The following LRRC8B variants were observed in gnomAD, a reference collection of about 807,000 sequenced individuals.
LRRC8B encodes volume-regulated anion channel subunit LRRC8B.
A neutral mutation model predicts 58.8 loss-of-function variants in LRRC8B; 23 were observed. The observed-to-expected ratio is 0.39, with a 90% confidence interval of 0.28 to 0.55. LRRC8B has a LOEUF of 0.55. Ranked by LOEUF, LRRC8B falls within the 20% of genes least tolerant of loss-of-function variation. LRRC8B has a pLI of 0.62. For missense variants in LRRC8B, 694 were observed against 936.0 expected (o/e 0.74, Z 3.37); for synonymous variants, 359 against 374.1 (o/e 0.96, Z 0.47).
intron 1 of LRRC8B, among the ~76,000 whole-genome samples, chr1:89,545,584 G>T (rs113212072): frequency 2.0e-5 from 3 of 152,154 alleles, no homozygotes; most frequent in African/African-American, 2.4e-5. Context: ...TAAAATTGTT[G>T]TGTCAAATTT....
At chr1:89,526,182 C>G (rs1366837517) in intron 1 of LRRC8B, among the ~76,000 whole-genome samples, 2 of 152,174 alleles carry the variant, frequency 1.3e-5, no homozygotes, top group Non-Finnish European at 1.5e-5. Context: ...GTACAGGCTA[C>G]ACCTCCTGAG....
At chr1:89,587,070 C>T (rs1457780888) in intron 5 of LRRC8B, among the ~76,000 whole-genome samples, 8 of 152,134 alleles carry the variant, frequency 5.3e-5, no homozygotes, top group Non-Finnish European at 1.0e-4. Flanking sequence ...GCGGAGAAAA[C>T]TAGGACCATC....
At chr1:89,577,700 A>G (rs1394202388) in intron 3 of LRRC8B, among the ~76,000 whole-genome samples, 2 of 152,198 alleles carry the variant, frequency 1.3e-5, no homozygotes, top group Non-Finnish European at 2.9e-5. Flanking sequence ...CAGATGCTAT[A>G]TATTTAAATA....
chr1:89,568,550 G>A (rs976360996), intron 3 of LRRC8B, 57 bp downstream of exon 3: 4 of 152,112 alleles, frequency 2.6e-5, no homozygotes, highest in Non-Finnish European at 5.9e-5. Flanking sequence ...AATTAAGTTG[G>A]TAGCTTGGGG....
chr1:89,546,504 C>G (rs546222718), intron 1 of LRRC8B, among the ~76,000 whole-genome samples: 1 of 152,312 alleles, frequency 6.6e-6, no homozygotes, highest in African/African-American at 2.4e-5. Context: ...TTCTTTCTGT[C>G]AGAACACTCC....
intron 1 of LRRC8B, among the ~76,000 whole-genome samples, chr1:89,545,852 G>C (rs1224124703): frequency 2.6e-5 from 4 of 152,164 alleles, no homozygotes; most frequent in African/African-American, 9.7e-5. Flanking sequence ...TGAAGAAGGG[G>C]GTGGACGGGA....
Position 89,593,844 on chromosome 1 carries a change from G to A in LRRC8B, c.*801G>A, listed in dbSNP as rs1330476410. 1 of 152,178 alleles carries A rather than the reference G, an allele frequency of 6.6e-6. No homozygotes were observed. The highest frequency in any genetic ancestry group is 6.5e-5 in the Admixed American group (1 of 15,282). 9.4% of individuals were successfully genotyped at this position (152,178 alleles called of 1,614,324 possible). A position where few individuals can be genotyped will look rare whatever the true frequency, so the allele number is the denominator to read the frequency against. On this transcript the variant is annotated 3_prime_UTR_variant, in exon 6 of 6. Coordinates refer to ENST00000330947, the MANE Select transcript of LRRC8B (RefSeq NM_001369817.2). The stretch of plus-strand genomic sequence containing the variant: ...TCCTAAATTTTTTTAGATAGGGTAT[G>A]TTGTGCTTGGCAGAATTCTTTTTTG...
intron 1 of LRRC8B, among the ~76,000 whole-genome samples, chr1:89,533,859 A>G (rs1422484468): frequency 1.3e-5 from 2 of 152,236 alleles, no homozygotes; most frequent in Non-Finnish European, 2.9e-5. Context: ...GTATTTGCAT[A>G]AAATTTTAAA....
Position 89,592,835 on chromosome 1 carries a change from A to G in LRRC8B, c.2204A>G (p.Asn735Ser). 5.0e-6 allele frequency: 8 copies of G among 1,614,090 alleles called. No individual in the cohort carries two copies. Among genetic ancestry groups the G allele is most frequent in the South Asian group, 1.1e-5 (1 of 91,074 alleles). ...CTGCAGTGTTTACTTTTGGGGAAAA[A>G]TAGCTTGATGAATTTGTCCCCTCAT... is the stretch of plus-strand genomic sequence containing the variant. ...KKLQCLLLGK[N>S]SLMNLSPHVG... The change falls in exon 6 of 6, where the codon AAT (asparagine) becomes AGT (serine). Residue 735 changes from asparagine (N) to serine (S), a missense_variant. Asn to Ser is a conservative substitution (Grantham distance 46). Transcript: ENST00000330947.
In LRRC8B at chr1:89,582,690, C is replaced by T; in HGVS notation, c.40C>T (p.Gln14Ter). The T allele has an allele frequency of 6.2e-7, 1 of 1,613,842 alleles. No individual in the cohort carries two copies. Among genetic ancestry groups the T allele is most frequent in the Non-Finnish European group, 8.5e-7 (1 of 1,179,760 alleles). The change falls in exon 5 of 6, where the codon CAG (glutamine) becomes TAG (stop). Residue 14 changes from glutamine to a stop codon, truncating the protein, a stop_gained. Coordinates refer to ENST00000330947, the MANE Select transcript of LRRC8B (RefSeq NM_001369817.2). LOFTEE classifies it high-confidence loss of function. ...TGAGCTAAAATGCTTAGCAGATGCC[C>T]AGTCATCTTATCACATCTTAAAACC... The part of the protein sequence containing the change: ...LTELKCLADA[Q>*]SSYHILKPWW...
chr1:89,565,898 G>A lies in LRRC8B; in HGVS notation c.-240-2349G>A, dbSNP rs991133069. Among the ~76,000 whole-genome samples the A allele has an allele frequency of 6.6e-5, 10 of 152,158 alleles. No homozygotes were observed. The East Asian group carries it at 9.6e-4, about 15-fold the overall frequency. ...AGTAGTGAAGCACTGTATCGAAAAA[G>A]AGTAGCAAAAGAGCCCTCTGGGTCC... On this transcript the variant is annotated intron_variant, in intron 1 of 5. Coordinates refer to ENST00000330947, the MANE Select transcript of LRRC8B (RefSeq NM_001369817.2).
At chr1:89,592,745 C>T (rs745853108) in intron 5 of LRRC8B, 26 bp from the exon 6 acceptor site, 2 of 1,602,820 alleles carry the variant, frequency 1.2e-6, no homozygotes, top group South Asian at 2.2e-5. Context: ...CCTATTTTAC[C>T]AGCTTCTTTT....
Position 89,595,605 on chromosome 1 carries a change from GTATAAT to G in LRRC8B, c.*2566_*2571del, listed in dbSNP as rs1443042565. 2.0e-5 allele frequency: 3 copies of G among 152,050 alleles called. No homozygotes were observed. The highest frequency in any genetic ancestry group is 2.9e-5 in the Non-Finnish European group (2 of 67,952). The allele number at this position is 152,050 out of a possible 1,614,324, so 9.4% of individuals were successfully genotyped here. A position where few individuals can be genotyped will look rare whatever the true frequency, so the allele number is the denominator to read the frequency against. ...TATAAACTGCTTTCCACACACTAGG[GTATAAT>G]TATTGGTGCAATCTATGTTGTTCTT... On this transcript the variant is annotated 3_prime_UTR_variant, in exon 6 of 6. Transcript: ENST00000330947.
chr1:89,551,548 G>A (rs1651816476), intron 1 of LRRC8B, among the ~76,000 whole-genome samples: 1 of 152,074 alleles, frequency 6.6e-6, no homozygotes, highest in Non-Finnish European at 1.5e-5. Flanking sequence ...AGGATAGATA[G>A]AAAATGAAAT....
chr1:89,597,846 AC>A lies in LRRC8B; in HGVS notation c.*4804del, dbSNP rs1292857208. ...TTTTTATAACAAATGGCAAATAAAA[AC>A]AGTAAATGCTGGAAGAAGTTGACTG... On this transcript the variant is annotated 3_prime_UTR_variant, in exon 6 of 6. Coordinates refer to ENST00000330947, the MANE Select transcript of LRRC8B (RefSeq NM_001369817.2). 1 of 152,208 alleles carries A rather than the reference AC, an allele frequency of 6.6e-6. No homozygotes were observed. The highest frequency in any genetic ancestry group is 1.5e-5 in the Non-Finnish European group (1 of 68,030). 9.4% of individuals were successfully genotyped at this position (152,208 alleles called of 1,614,324 possible). A position where few individuals can be genotyped will look rare whatever the true frequency, so the allele number is the denominator to read the frequency against.
chr1:89,539,620 C>T (rs1650807533), intron 1 of LRRC8B, among the ~76,000 whole-genome samples: 1 of 152,310 alleles, frequency 6.6e-6, no homozygotes, highest in Non-Finnish European at 1.5e-5. Flanking sequence ...GCCACAGAAA[C>T]AACACATTGC....
chr1:89,573,475 A>C (rs1366195677), intron 3 of LRRC8B, among the ~76,000 whole-genome samples: 1 of 151,712 alleles, frequency 6.6e-6, no homozygotes, highest in Non-Finnish European at 1.5e-5. Context: ...GACTAGGGTG[A>C]TTTTCCTAAT....
At position 89,583,697 on chromosome 1, in the gene LRRC8B, G is replaced by A. The variant is rs138380321; in HGVS notation, c.1047G>A (p.Ala349=). Residue 349 remains alanine, a synonymous_variant, in exon 5 of 6, where the codon GCG becomes GCA. Transcript: ENST00000330947. This position sits in a 1 kb window ranked among gnomAD's most constrained non-coding sequence, Gnocchi z 5.2. Reference sequence around the variant, plus strand: ...CCCTGAAGCAATATTCCTTTGAGGCGTTAAGAGAAAAAAGCAACTACAGTG... The same window carrying A: ...CCCTGAAGCAATATTCCTTTGAGGCATTAAGAGAAAAAAGCAACTACAGTG... ...RSSLKQYSFE[A]LREKSNYSDI... The A allele has an allele frequency of 2.0e-5, 33 of 1,613,922 alleles. No individual in the cohort carries two copies. The highest frequency in any genetic ancestry group is 1.2e-4 in the Admixed American group (7 of 59,992).
chr1:89,547,572 C>G (rs932219236), intron 1 of LRRC8B, among the ~76,000 whole-genome samples: 5 of 152,216 alleles, frequency 3.3e-5, no homozygotes, highest in Non-Finnish European at 7.3e-5. Context: ...GCAATCCAGT[C>G]TGGCACCTGT....
Sources: allele counts gnomAD v4.1 joint callset (sites outside exome capture counted in the v4.1 genomes callset), GRCh38; gene constraint gnomAD v4.1.1; non-coding constraint Gnocchi (gnomAD v3.1); transcripts MANE v1.5; gene names NCBI Gene and HGNC (gene_info 2026-07-23, HGNC 2026-07-21).